The following HDAC9 variants were observed in gnomAD, a reference collection of about 807,000 sequenced individuals.
HDAC9 encodes the protein MEF-2 interacting transcription repressor (MITR) protein.
HDAC9 carries 41 observed loss-of-function variants against 139.4 expected under a neutral mutation model. That is an observed-to-expected ratio of 0.29 (90% CI 0.23 to 0.38). HDAC9 has a LOEUF of 0.38. Among genes scored for constraint, HDAC9 ranks in the 10% least tolerant of loss-of-function variants. HDAC9 has a pLI of 1.00. For synonymous variants in HDAC9, 517 were observed against 476.2 expected (o/e 1.09, Z -1.12); for missense variants, 1,147 against 1,297.0 (o/e 0.88, Z 1.78).
chr7:18,664,884 T>TATTTGCTCTGCCC (rs1228082524), intron 11 of HDAC9, among the ~76,000 whole-genome samples: 2 of 152,190 alleles, frequency 1.3e-5, no homozygotes, highest in Non-Finnish European at 2.9e-5. Flanking sequence ...GAGCAGTGGC[T>TATTTGCTCTGCCC]ATTTTTCTAA....
rs1298116588 is a variant in HDAC9, at chr7:18,997,301, A to G, written c.*1239A>G. 4.9e-5 allele frequency: 1 copy of G among 20,314 alleles called. No individual in the cohort carries two copies. The highest frequency in any genetic ancestry group is 5.4e-4 in the East Asian group (1 of 1,848). 1.3% of individuals were successfully genotyped at this position (20,314 alleles called of 1,614,324 possible). ...ACCTAGAAGCTGTGCCTTCTTGTGA[A>G]AAAAAAAAAAAACAAAAACAAAAAA... is the stretch of plus-strand genomic sequence containing the variant. On this transcript the variant is annotated 3_prime_UTR_variant, in exon 26 of 26. Transcript: ENST00000686413.
chr7:18,128,744 C>G (rs1784826569), intron 1 of HDAC9, among the ~76,000 whole-genome samples: 2 of 152,088 alleles, frequency 1.3e-5, no homozygotes, highest in South Asian at 4.1e-4. Context: ...GGGAAGATAG[C>G]TTCTTAATGG....
chr7:18,186,305 C>T (rs575754561), intron 2 of HDAC9, among the ~76,000 whole-genome samples: 90 of 152,276 alleles, frequency 5.9e-4, no homozygotes, highest in Non-Finnish European at 9.9e-4. Context: ...TTTACAGGGA[C>T]GTTTTCCAAA....
At chr7:18,304,928 A>G (rs1173707152) in intron 1 of HDAC9, among the ~76,000 whole-genome samples, 1 of 143,442 alleles carries the variant, frequency 7.0e-6, no homozygotes, top group African/African-American at 2.6e-5. Flanking sequence ...GTCCCCAACT[A>G]GTGAATCCTT....
chr7:18,822,251 T>C (rs1795031676), intron 17 of HDAC9, among the ~76,000 whole-genome samples: 1 of 152,206 alleles, frequency 6.6e-6, no homozygotes, highest in Non-Finnish European at 1.5e-5. Flanking sequence ...CCTGAGGCTA[T>C]CCAGGAGCCC....
intron 1 of HDAC9, among the ~76,000 whole-genome samples, chr7:18,101,798 A>T (rs949959772): frequency 2.0e-5 from 3 of 152,232 alleles, no homozygotes; most frequent in Non-Finnish European, 4.4e-5. Flanking sequence ...TTTGTTGAGC[A>T]TAATAATTTA....
chr7:18,921,507 G>C (rs1803722755), intron 22 of HDAC9, among the ~76,000 whole-genome samples: 1 of 152,138 alleles, frequency 6.6e-6, no homozygotes, highest in African/African-American at 2.4e-5. Context: ...TCAGAGAAAT[G>C]CAAATCAAAA....
intron 2 of HDAC9, among the ~76,000 whole-genome samples, chr7:18,533,421 G>C (rs556657606): frequency 2.9e-4 from 44 of 152,140 alleles, no homozygotes; most frequent in African/African-American, 1.0e-3. Context: ...TTTTACAATA[G>C]CTTATATTTG....
intron 1 of HDAC9, among the ~76,000 whole-genome samples, chr7:18,448,940 T>A (rs906053310): frequency 2.0e-5 from 3 of 152,076 alleles, no homozygotes; most frequent in African/African-American, 7.2e-5. Flanking sequence ...TAGAATAATT[T>A]GCATGTCAGA....
intron 1 of HDAC9, among the ~76,000 whole-genome samples, chr7:18,433,617 C>T (rs763355533): frequency 2.0e-5 from 3 of 152,100 alleles, no homozygotes; most frequent in Non-Finnish European, 4.4e-5. Context: ...CTTCTGTACA[C>T]CAACAACATC....
intron 2 of HDAC9, among the ~76,000 whole-genome samples, chr7:18,182,029 G>C (rs914065046): frequency 2.0e-5 from 3 of 152,156 alleles, no homozygotes; most frequent in Non-Finnish European, 4.4e-5. Flanking sequence ...TTAGGGGAGG[G>C]TGGAGGAAAG....
At chr7:18,664,677 A>G (rs957499213) in intron 11 of HDAC9, among the ~76,000 whole-genome samples, 5 of 151,682 alleles carry the variant, frequency 3.3e-5, no homozygotes, top group Non-Finnish European at 7.4e-5. Context: ...TCCATCCTTC[A>G]TTCTTTGTGT....
intron 6 of HDAC9, among the ~76,000 whole-genome samples, chr7:18,611,489 C>T (rs1257402851): frequency 6.6e-6 from 1 of 152,002 alleles, no homozygotes; most frequent in Admixed American, 6.6e-5. Context: ...TATTATTTCT[C>T]ACCAGTTTTA....
intron 21 of HDAC9, among the ~76,000 whole-genome samples, chr7:18,845,242 A>T (rs1796831678): frequency 6.6e-6 from 1 of 152,288 alleles, no homozygotes; most frequent in Non-Finnish European, 1.5e-5. Context: ...CAATTTTTTT[A>T]ATTAACAAAT....
chr7:18,212,231 A>G (rs1047826219), intron 2 of HDAC9, among the ~76,000 whole-genome samples: 2 of 152,098 alleles, frequency 1.3e-5, no homozygotes, highest in Non-Finnish European at 2.9e-5. Flanking sequence ...ATCTTTTTTT[A>G]TTGTAAGATT....
chr7:18,899,081 A>C (rs1037291226), intron 22 of HDAC9, among the ~76,000 whole-genome samples: 4 of 152,188 alleles, frequency 2.6e-5, no homozygotes, highest in Admixed American at 6.5e-5. Context: ...TGGAATCTCC[A>C]CTAAGCAAAC....
chr7:18,466,240 A>T (rs886902456), intron 1 of HDAC9, among the ~76,000 whole-genome samples: 1 of 152,176 alleles, frequency 6.6e-6, no homozygotes, highest in Non-Finnish European at 1.5e-5. Context: ...TCTCTTGCCC[A>T]GGCTAGAGTG....
intron 2 of HDAC9, among the ~76,000 whole-genome samples, chr7:18,219,601 TAAA>T: frequency 6.6e-6 from 1 of 152,186 alleles, no homozygotes; most frequent in Admixed American, 6.5e-5. Flanking sequence ...GAAAAAATAA[TAAA>T]AACACTCTCA....
intron 12 of HDAC9, among the ~76,000 whole-genome samples, chr7:18,691,855 C>CAA (rs1454480172): frequency 1.3e-5 from 2 of 152,110 alleles, no homozygotes; most frequent in East Asian, 3.9e-4. Flanking sequence ...TGATCCCAAT[C>CAA]AGGTCATATG....
Sources: allele counts gnomAD v4.1 joint callset (sites outside exome capture counted in the v4.1 genomes callset), GRCh38; gene constraint gnomAD v4.1.1; transcripts MANE v1.5; gene names NCBI Gene and HGNC (gene_info 2026-07-23, HGNC 2026-07-21).